The following NLN variants were observed in gnomAD, a reference collection of about 807,000 sequenced individuals.
The protein encoded by NLN is neurolysin.
In NLN, 64 loss-of-function variants were observed where a neutral mutation model predicts 79.9. The ratio of observed to expected loss-of-function variants is 0.80; its 90% CI spans 0.65 to 0.99. NLN has a LOEUF of 0.99. Ranked by LOEUF, NLN falls within the 50% of genes least tolerant of loss-of-function variation. The pLI is 0.00. For synonymous variants in NLN, 267 were observed against 296.6 expected (o/e 0.90, Z 1.02); for missense variants, 835 against 858.7 (o/e 0.97, Z 0.34).
chr5:65,747,505 A>T (rs911565673), intron 1 of NLN, among the ~76,000 whole-genome samples: 4 of 152,170 alleles, frequency 2.6e-5, no homozygotes, highest in African/African-American at 9.7e-5. Flanking sequence ...TTTTGGTGAG[A>T]GATGGTTGAC....
At chr5:65,817,894 G>C (rs1760702950) in intron 12 of NLN, among the ~76,000 whole-genome samples, 1 of 152,168 alleles carries the variant, frequency 6.6e-6, no homozygotes, top group African/African-American at 2.4e-5. Flanking sequence ...CCTGTAATGT[G>C]TTGCTAAAAG....
intron 9 of NLN, among the ~76,000 whole-genome samples, chr5:65,804,906 G>A (rs1245040580): frequency 6.6e-6 from 1 of 152,134 alleles, no homozygotes; most frequent in Non-Finnish European, 1.5e-5. Flanking sequence ...TAGAGACAGG[G>A]TCTTGCCATG....
intron 9 of NLN, 79 bp downstream of exon 9, chr5:65,792,734 C>T: frequency 8.4e-7 from 1 of 1,196,696 alleles, no homozygotes; most frequent in Non-Finnish European, 1.2e-6. Flanking sequence ...GGTTTCTGCT[C>T]CTAACAGGTT....
At chr5:65,766,817 G>A (rs1759462302) in intron 3 of NLN, among the ~76,000 whole-genome samples, 1 of 152,214 alleles carries the variant, frequency 6.6e-6, no homozygotes, top group Non-Finnish European at 1.5e-5. Context: ...CATTCCAAAT[G>A]GGAGAAATTG....
rs115060149 is a variant in NLN, at chr5:65,747,266, C to T, written c.42-11301C>T. On this transcript the variant is annotated intron_variant, in intron 1 of 12. Transcript: ENST00000380985. ...ACTACTGACAGTGAGAGGAGAAATT[C>T]GGGGAGGCTGGTCACAGTTTGAAGT... Among the ~76,000 whole-genome samples, 1,118 of 152,118 alleles carry T rather than the reference C, an allele frequency of 7.3e-3. 10 individuals are homozygous for T. Among genetic ancestry groups the T allele is most frequent in the Non-Finnish European group, 0.011 (759 of 67,994 alleles).
intron 2 of NLN, among the ~76,000 whole-genome samples, chr5:65,760,293 A>G (rs1337345991): frequency 6.6e-6 from 1 of 152,184 alleles, no homozygotes; most frequent in African/African-American, 2.4e-5. Flanking sequence ...CTTCACTTTC[A>G]TTAATGGCTT....
At chr5:65,790,849 A>G (rs959014761) in intron 8 of NLN, among the ~76,000 whole-genome samples, 2 of 152,254 alleles carry the variant, frequency 1.3e-5, no homozygotes, top group Admixed American at 6.5e-5. Context: ...GGAGTCTCCT[A>G]TAACTGTCCT....
chr5:65,787,235 T>A (rs1759947022), intron 7 of NLN, among the ~76,000 whole-genome samples: 1 of 148,550 alleles, frequency 6.7e-6, no homozygotes, highest in South Asian at 2.1e-4. Context: ...TCTCTCTCTC[T>A]TTATATATAT....
intron 8 of NLN, 134 bp from the exon 9 acceptor site, chr5:65,792,320 C>G: frequency 1.6e-6 from 1 of 606,950 alleles, no homozygotes; most frequent in Non-Finnish European, 2.9e-6. Context: ...AAATAACCTA[C>G]TTTCTAAAAG....
chr5:65,738,273 T>C (rs945534866), intron 1 of NLN, among the ~76,000 whole-genome samples: 1 of 151,754 alleles, frequency 6.6e-6, no homozygotes. Context: ...GGAAAAGATA[T>C]TACTTCCAGG....
intron 7 of NLN, among the ~76,000 whole-genome samples, chr5:65,787,473 G>A (rs981200591): frequency 2.1e-4 from 32 of 152,018 alleles, no homozygotes; most frequent in East Asian, 3.8e-4. Context: ...TGTTTTTATC[G>A]TAACGTATGT....
chr5:65,727,787 G>T (rs1308957314), intron 1 of NLN, among the ~76,000 whole-genome samples: 1 of 151,998 alleles, frequency 6.6e-6, no homozygotes, highest in Non-Finnish European at 1.5e-5. Context: ...TTGTTTTTTT[G>T]AGACAGTCTC....
rs887853795 is a variant in NLN at position 65,781,316 on chromosome 5, T to C, written c.717T>C (p.Tyr239=). ...TAGAAAAGACAGATGATGACAAGTA[T>C]AAAATTACCTTAAAATATCCACACT... ...DSLEKTDDDK[Y]KITLKYPHYF... is the part of the protein sequence containing the mutation. The change falls in exon 6 of 13, where the codon TAT becomes TAC. Residue 239 remains tyrosine, a synonymous_variant. Transcript: ENST00000380985. 1.2e-6 allele frequency: 2 copies of C among 1,604,382 alleles called. No homozygotes were observed. Among genetic ancestry groups the C allele is most frequent in the Non-Finnish European group, 1.7e-6 (2 of 1,171,428 alleles).
chr5:65,777,151 T>C (rs1759697793), intron 3 of NLN, among the ~76,000 whole-genome samples: 4 of 152,378 alleles, frequency 2.6e-5, no homozygotes, highest in Non-Finnish European at 1.5e-5. Flanking sequence ...GCAAATGCTC[T>C]GTTATCACAC....
intron 3 of NLN, among the ~76,000 whole-genome samples, chr5:65,769,729 C>G (rs1471266183): frequency 6.6e-6 from 1 of 152,112 alleles, no homozygotes; most frequent in Non-Finnish European, 1.5e-5. Flanking sequence ...ATGAGATAGG[C>G]TTTTTTATAA....
At chr5:65,775,483 G>A (rs1201474750) in intron 3 of NLN, among the ~76,000 whole-genome samples, 1 of 152,118 alleles carries the variant, frequency 6.6e-6, no homozygotes, top group East Asian at 1.9e-4. Flanking sequence ...CTCTTGCCAG[G>A]CCCTTCTCAC....
At chr5:65,774,865 C>A (rs918354514) in intron 3 of NLN, among the ~76,000 whole-genome samples, 20 of 152,046 alleles carry the variant, frequency 1.3e-4, no homozygotes, top group Admixed American at 3.9e-4. Flanking sequence ...GCTGGAATTA[C>A]ACACACATGC....
chr5:65,782,210 C>T (rs1025228548), intron 6 of NLN, among the ~76,000 whole-genome samples: 15 of 152,116 alleles, frequency 9.9e-5, no homozygotes, highest in Non-Finnish European at 7.4e-5. Flanking sequence ...ACTCCATGGC[C>T]CCCAGTTTTG....
At chr5:65,744,133 G>A (rs898236940) in intron 1 of NLN, among the ~76,000 whole-genome samples, 3 of 142,396 alleles carry the variant, frequency 2.1e-5, no homozygotes, top group Non-Finnish European at 4.7e-5. Context: ...GTGGCTCACT[G>A]TAGCCTGACC....
Sources: allele counts gnomAD v4.1 joint callset (sites outside exome capture counted in the v4.1 genomes callset), GRCh38; gene constraint gnomAD v4.1.1; transcripts MANE v1.5; gene names NCBI Gene and HGNC (gene_info 2026-07-23, HGNC 2026-07-21).